Variants in ARHGAP10 observed in about 807,000 individuals in gnomAD.
ARHGAP10 encodes the protein rho GTPase-activating protein 10.
ARHGAP10 carries 87 observed loss-of-function variants against 108.6 expected under a neutral mutation model. The observed-to-expected ratio is 0.80, with a 90% confidence interval of 0.67 to 0.96. The LOEUF (loss-of-function observed/expected upper bound fraction) is 0.96, where lower values mean the gene tolerates loss of function less well. Ranked by LOEUF, ARHGAP10 falls within the 40% of genes least tolerant of loss-of-function variation. ARHGAP10 has a pLI of 0.00. For synonymous variants in ARHGAP10, 347 were observed against 341.1 expected (o/e 1.02, Z -0.19); for missense variants, 939 against 954.5 (o/e 0.98, Z 0.21).
At chr4:147,949,735 GT>G (rs555435873) in intron 15 of ARHGAP10, among the ~76,000 whole-genome samples, 46 of 152,278 alleles carry the variant, frequency 3.0e-4, no homozygotes, top group African/African-American at 9.6e-4. Context: ...CCATTTTACT[GT>G]TTAGTAGACT....
intron 9 of ARHGAP10, among the ~76,000 whole-genome samples, chr4:147,881,099 T>C (rs1258521589): frequency 6.8e-6 from 1 of 146,040 alleles, no homozygotes; most frequent in South Asian, 2.2e-4. Context: ...CATGGTGAAA[T>C]CCTGTCTCTA....
At chr4:147,756,416 C>A (rs1375166801) in intron 1 of ARHGAP10, among the ~76,000 whole-genome samples, 1 of 152,170 alleles carries the variant, frequency 6.6e-6, no homozygotes, top group African/African-American at 2.4e-5. Flanking sequence ...GAGTGTTTCT[C>A]CATTAACTTC....
At chr4:147,971,974 G>T (rs555460457) in intron 18 of ARHGAP10, among the ~76,000 whole-genome samples, 2 of 152,232 alleles carry the variant, frequency 1.3e-5, no homozygotes, top group Admixed American at 6.5e-5. Flanking sequence ...TTTGTAAGGG[G>T]TCTTGGGGAA....
chr4:147,913,282 T>TA lies in ARHGAP10; in HGVS notation c.1228+144dup, dbSNP rs947670719. The stretch of plus-strand genomic sequence containing the variant: ...CATTCTGAGTATCAGAAGGATCAGT[T>TA]ATTCATTTACTATGACAATGAGGGA... On this transcript the variant is annotated intron_variant, in intron 13 of 22. Transcript: ENST00000336498. 9 of 726,318 alleles carry TA rather than the reference T, an allele frequency of 1.2e-5. No individual in the cohort carries two copies. In the African/African-American group the frequency reaches 1.4e-4, roughly 12 times the overall value. The allele number at this position is 726,318 out of a possible 1,614,324, so 45.0% of individuals were successfully genotyped here.
At chr4:147,914,195 A>G (rs1736864672) in intron 13 of ARHGAP10, among the ~76,000 whole-genome samples, 1 of 152,180 alleles carries the variant, frequency 6.6e-6, no homozygotes, top group African/African-American at 2.4e-5. Context: ...TGCAGTCAGT[A>G]CAATTCACTG....
Position 147,895,732 on chromosome 4 carries a change from G to GC in ARHGAP10, c.1035-10905dup, listed in dbSNP as rs1735971003. On this transcript the variant is annotated intron_variant, in intron 10 of 22. Coordinates refer to ENST00000336498, the MANE Select transcript of ARHGAP10 (RefSeq NM_024605.4). ...TTATTTCTTCCTTTCCAATCTGTATGCTTTTTATTTCTTTTACTTGCCTGC... is the reference window on the plus strand; with the variant it reads ...TTATTTCTTCCTTTCCAATCTGTATGCCTTTTTATTTCTTTTACTTGCCTGC... Among the ~76,000 whole-genome samples the GC allele has an allele frequency of 2.0e-5, 3 of 151,504 alleles. No individual in the cohort carries two copies. In the South Asian group the frequency reaches 6.3e-4, roughly 32 times the overall value.
At chr4:147,798,738 T>TCTCTCC in intron 1 of ARHGAP10, among the ~76,000 whole-genome samples, 1 of 12,266 alleles carries the variant, frequency 8.2e-5, no homozygotes. Context: ...TCTCTCTCTC[T>TCTCTCC]CTCTCTCTCT....
chr4:147,905,158 A>G (rs1736430561), intron 10 of ARHGAP10, among the ~76,000 whole-genome samples: 1 of 152,110 alleles, frequency 6.6e-6, no homozygotes. Flanking sequence ...GTAGGTTGCG[A>G]AAATTTTCTC....
At chr4:147,811,058 C>T (rs1051548079) in intron 1 of ARHGAP10, among the ~76,000 whole-genome samples, 1 of 152,206 alleles carries the variant, frequency 6.6e-6, no homozygotes, top group Non-Finnish European at 1.5e-5. Flanking sequence ...CGCCTTAATC[C>T]TCTTTTTCCT....
At chr4:147,782,050 T>C (rs1730557459) in intron 1 of ARHGAP10, among the ~76,000 whole-genome samples, 1 of 152,234 alleles carries the variant, frequency 6.6e-6, no homozygotes, top group Non-Finnish European at 1.5e-5. Flanking sequence ...TGACCTTGCC[T>C]TGCAAAGGGG....
rs17024317 is a variant in ARHGAP10, at chr4:148,064,879, C to T, written c.2272+372C>T. ...TGCTAACCAAGTCCTTTAAATGCTT[C>T]GGGTTTACCAACTCTGAGTCAACAG... On this transcript the variant is annotated intron_variant, in intron 22 of 22. Transcript: ENST00000336498. Among the ~76,000 whole-genome samples, 1,429 of 152,292 alleles carry T rather than the reference C, an allele frequency of 9.4e-3. 28 individuals carry two copies. Among genetic ancestry groups the T allele is most frequent in the African/African-American group, 0.033 (1,351 of 41,550 alleles).
intron 1 of ARHGAP10, among the ~76,000 whole-genome samples, chr4:147,806,733 A>C (rs894117224): frequency 2.0e-5 from 3 of 152,152 alleles, no homozygotes; most frequent in African/African-American, 7.2e-5. Context: ...ACAAGATGTC[A>C]TTCTGTTGCC....
At chr4:148,024,620 C>A (rs1167345354) in intron 19 of ARHGAP10, among the ~76,000 whole-genome samples, 1 of 152,198 alleles carries the variant, frequency 6.6e-6, no homozygotes, top group Non-Finnish European at 1.5e-5. Context: ...ATTAGTTTTA[C>A]AATTGGATAG....
intron 18 of ARHGAP10, among the ~76,000 whole-genome samples, chr4:147,979,010 T>C (rs1739711507): frequency 6.6e-6 from 1 of 152,194 alleles, no homozygotes; most frequent in Non-Finnish European, 1.5e-5. Flanking sequence ...TTGTAGATTG[T>C]CTGTTTCCTC....
chr4:148,009,761 A>G (rs901004511), intron 18 of ARHGAP10, among the ~76,000 whole-genome samples: 2 of 152,102 alleles, frequency 1.3e-5, no homozygotes, highest in Non-Finnish European at 1.5e-5. Flanking sequence ...CTCAGCTTCA[A>G]TTTCCTCTCC....
At chr4:147,830,834 C>T (rs1307969676) in intron 3 of ARHGAP10, among the ~76,000 whole-genome samples, 2 of 152,164 alleles carry the variant, frequency 1.3e-5, no homozygotes, top group Non-Finnish European at 2.9e-5. Flanking sequence ...CCACAGTTAA[C>T]TTTTGCACTT....
intron 18 of ARHGAP10, among the ~76,000 whole-genome samples, chr4:148,000,790 T>G (rs1184127478): frequency 6.6e-6 from 1 of 152,226 alleles, no homozygotes; most frequent in East Asian, 1.9e-4. Context: ...TTTTTTCTTG[T>G]AAATTTGTTT....
At chr4:148,026,376 T>G (rs1223516636) in intron 19 of ARHGAP10, among the ~76,000 whole-genome samples, 1 of 152,196 alleles carries the variant, frequency 6.6e-6, no homozygotes, top group Non-Finnish European at 1.5e-5. Context: ...GATCCTCTGC[T>G]GGGAGACATG....
At chr4:148,039,921 A>C (rs907352002) in intron 19 of ARHGAP10, among the ~76,000 whole-genome samples, 1 of 152,122 alleles carries the variant, frequency 6.6e-6, no homozygotes, top group Non-Finnish European at 1.5e-5. Flanking sequence ...TCTCTATATT[A>C]CAAATCTCTA....
Sources: gnomAD v4.1 joint callset for allele counts (sites outside exome capture counted in the v4.1 genomes callset) on GRCh38, gnomAD v4.1.1 for gene constraint, MANE v1.5 for transcripts, NCBI Gene and HGNC (gene_info 2026-07-23, HGNC 2026-07-21) for gene names.